The following MAP2K4 variants were observed in gnomAD, a reference collection of about 807,000 sequenced individuals.
The protein encoded by MAP2K4 is mitogen-activated protein kinase kinase 4, also known as dual specificity mitogen-activated protein kinase kinase 4.
MAP2K4 carries 4 observed loss-of-function variants against 48.5 expected under a neutral mutation model. The observed-to-expected ratio is 0.08, with a 90% CI of 0.04 to 0.19. The LOEUF (loss-of-function observed/expected upper bound fraction) is 0.19, where lower values mean the gene tolerates loss of function less well. Among genes scored for constraint, MAP2K4 ranks in the 10% least tolerant of loss-of-function variants. MAP2K4 has a pLI of 1.00. For synonymous variants in MAP2K4, 166 were observed against 173.1 expected (o/e 0.96, Z 0.32); for missense variants, 258 against 493.3 (o/e 0.52, Z 4.52).
intron 3 of MAP2K4, among the ~76,000 whole-genome samples, chr17:12,089,075 C>A (rs1034822848): frequency 6.6e-6 from 1 of 151,970 alleles, no homozygotes; most frequent in African/African-American, 2.4e-5. Flanking sequence ...CCACGCCTGG[C>A]TAATTTTTTT....
chr17:12,115,167 T>C (rs1413404059), intron 7 of MAP2K4, among the ~76,000 whole-genome samples: 2 of 152,192 alleles, frequency 1.3e-5, no homozygotes, highest in Non-Finnish European at 2.9e-5. Context: ...CATAAAAAAG[T>C]AAATAAAATG....
At chr17:12,033,540 T>A (rs1038314672) in intron 1 of MAP2K4, among the ~76,000 whole-genome samples, 3 of 152,164 alleles carry the variant, frequency 2.0e-5, no homozygotes, top group Non-Finnish European at 4.4e-5. Flanking sequence ...AAAGTTTTTT[T>A]AATTGGTTCA....
chr17:12,022,482 CA>C (rs1030430001), intron 1 of MAP2K4, among the ~76,000 whole-genome samples: 2 of 152,070 alleles, frequency 1.3e-5, no homozygotes, highest in Admixed American at 1.3e-4. Flanking sequence ...AATGAAATGG[CA>C]AAATGACAAT....
intron 4 of MAP2K4, among the ~76,000 whole-genome samples, chr17:12,099,563 A>G (rs1172643535): frequency 6.6e-6 from 1 of 152,184 alleles, no homozygotes; most frequent in Non-Finnish European, 1.5e-5. Flanking sequence ...ACTATCTTCA[A>G]CCATGCATAC....
At chr17:12,025,061 G>A (rs115930970) in intron 1 of MAP2K4, among the ~76,000 whole-genome samples, 243 of 152,368 alleles carry the variant, frequency 1.6e-3, no homozygotes, top group African/African-American at 5.7e-3. Context: ...GCATAGGCAG[G>A]ATGATTCCTT....
intron 4 of MAP2K4, among the ~76,000 whole-genome samples, chr17:12,099,268 T>C (rs1178087208): frequency 6.6e-6 from 1 of 152,000 alleles, no homozygotes. Flanking sequence ...CTGTCTATTG[T>C]GTATATATGT....
rs186724763 is a variant in MAP2K4 at position 12,035,041 on chromosome 17, C to G, written c.115+14040C>G. Reference sequence around the variant, plus strand: ...AGTATTTATTTTTGTACTATCAGTACCTATATTTTAGTATAAGTTCTCAGT... The same window carrying G: ...AGTATTTATTTTTGTACTATCAGTAGCTATATTTTAGTATAAGTTCTCAGT... On this transcript the variant is annotated intron_variant, in intron 1 of 10. Coordinates refer to ENST00000353533, the MANE Select transcript of MAP2K4 (RefSeq NM_003010.4). Among the ~76,000 whole-genome samples, 6 of 152,260 alleles carry G rather than the reference C, an allele frequency of 3.9e-5. No homozygotes were observed. The East Asian group carries it at 5.8e-4, about 15-fold the overall frequency.
rs1263223236 is a variant in MAP2K4, at chr17:12,101,049, CAAAAGTTT to C, written c.513+5356_513+5363del. Among the ~76,000 whole-genome samples, 21 of 152,058 alleles carry C rather than the reference CAAAAGTTT, an allele frequency of 1.4e-4. No homozygotes were observed. The East Asian group carries it at 3.3e-3, about 24-fold the overall frequency. On this transcript the variant is annotated intron_variant, in intron 4 of 10. Coordinates refer to ENST00000353533, the MANE Select transcript of MAP2K4 (RefSeq NM_003010.4). ...TATTCTTCACAGTGTTTTTGGAGAGCAAAAGTTTTTAATGTTGATATAGGCCAATTTTT... is the reference window on the plus strand; with the variant it reads ...TATTCTTCACAGTGTTTTTGGAGAGCTTAATGTTGATATAGGCCAATTTTT...
chr17:12,095,595 T>TG lies in MAP2K4; in HGVS notation c.415dup (p.Glu139GlyfsTer18). On this transcript the variant is annotated frameshift_variant, in exon 4 of 11. Coordinates refer to ENST00000353533, the MANE Select transcript of MAP2K4 (RefSeq NM_003010.4). LOFTEE classifies it high-confidence loss of function. ...TCCAGAGAATTCGGTCAACAGTGGA[T>TG]GAAAAAGAACAAAAACAACTTCTTA... 1 of 1,613,956 alleles carries TG rather than the reference T, an allele frequency of 6.2e-7. No individual in the cohort carries two copies. The highest frequency in any genetic ancestry group is 8.5e-7 in the Non-Finnish European group (1 of 1,179,932).
chr17:12,084,166 G>C (rs759996970), intron 3 of MAP2K4, among the ~76,000 whole-genome samples: 6 of 152,036 alleles, frequency 3.9e-5, no homozygotes, highest in Non-Finnish European at 7.4e-5. Context: ...ATTTGAAAAA[G>C]GTGACTTCTT....
intron 7 of MAP2K4, among the ~76,000 whole-genome samples, chr17:12,120,235 C>T (rs992986791): frequency 1.3e-5 from 2 of 151,922 alleles, no homozygotes; most frequent in Admixed American, 6.6e-5. Flanking sequence ...CCAAGGTAGG[C>T]GGATCACTTG....
At chr17:12,031,083 G>T (rs1369056533) in intron 1 of MAP2K4, among the ~76,000 whole-genome samples, 3 of 152,142 alleles carry the variant, frequency 2.0e-5, no homozygotes, top group Non-Finnish European at 2.9e-5. Flanking sequence ...GACCTTCAGT[G>T]GTAGAGAGAC....
intron 8 of MAP2K4, 81 bp from the exon 9 acceptor site, chr17:12,129,058 T>G: frequency 7.1e-7 from 1 of 1,402,726 alleles, no homozygotes. Flanking sequence ...GCTTGTAGTT[T>G]AGATTTTTTT....
At chr17:12,070,683 T>C (rs11656127) in intron 2 of MAP2K4, among the ~76,000 whole-genome samples, 135,304 of 152,260 alleles carry the variant, frequency 0.89, 62,282 homozygotes, top group East Asian at 1. Flanking sequence ...GCTCATGAGC[T>C]GAATCCATCC....
At chr17:12,070,342 A>T (rs1597435759) in intron 2 of MAP2K4, among the ~76,000 whole-genome samples, 3 of 152,130 alleles carry the variant, frequency 2.0e-5, no homozygotes, top group Non-Finnish European at 4.4e-5. Flanking sequence ...GATGTCCAGG[A>T]TATTAAACAA....
chr17:12,105,063 G>A (rs565592833), intron 4 of MAP2K4, among the ~76,000 whole-genome samples: 1 of 151,746 alleles, frequency 6.6e-6, no homozygotes, highest in East Asian at 1.9e-4. Context: ...TTTTGCATCT[G>A]TTTCTTTGGT....
At chr17:12,137,043 A>G (rs1973233075) in intron 9 of MAP2K4, among the ~76,000 whole-genome samples, 1 of 152,194 alleles carries the variant, frequency 6.6e-6, no homozygotes, top group South Asian at 2.1e-4. Context: ...CCTAATACCA[A>G]CATAGGAGTG....
chr17:12,125,943 T>C (rs984395042), intron 8 of MAP2K4, among the ~76,000 whole-genome samples: 8 of 152,164 alleles, frequency 5.3e-5, no homozygotes, highest in Admixed American at 1.3e-4. Context: ...GGGTAATTTA[T>C]GAAGAGAGGT....
intron 3 of MAP2K4, among the ~76,000 whole-genome samples, chr17:12,082,784 G>A (rs28923187): frequency 0.17 from 25,603 of 152,186 alleles, 2,533 homozygotes; most frequent in South Asian, 0.3. Flanking sequence ...TCATAGGCAG[G>A]TGTATATACA....
Sources: allele counts gnomAD v4.1 joint callset (sites outside exome capture counted in the v4.1 genomes callset), GRCh38; gene constraint gnomAD v4.1.1; transcripts MANE v1.5; gene names NCBI Gene and HGNC (gene_info 2026-07-23, HGNC 2026-07-21).